SYNE2: variants seen among roughly 807,000 people sequenced by gnomAD.
SYNE2 encodes the protein nesprin-2.
Under a neutral mutation model 856.3 loss-of-function variants are expected in SYNE2, and 431 were observed. The ratio of observed to expected loss-of-function variants is 0.50; its 90% CI spans 0.47 to 0.55. The LOEUF is 0.55. SYNE2 is among the 20% of genes least tolerant of loss of function. The pLI is 0.00. For missense variants in SYNE2, 8,129 were observed against 8,023.2 expected (o/e 1.01, Z -0.50); for synonymous variants, 2,923 against 2,872.3 (o/e 1.02, Z -0.56).
Position 64,023,756 on chromosome 14 carries a change from A to G in SYNE2, c.5638-501A>G, listed in dbSNP as rs553190592. ...TTTTTAAGCTTATCAATGGCACTAAATGTTCACTGTTTAATTCCTTGCTTT... is the reference window on the plus strand; with the variant it reads ...TTTTTAAGCTTATCAATGGCACTAAGTGTTCACTGTTTAATTCCTTGCTTT... On this transcript the variant is annotated intron_variant, in intron 38 of 115. Coordinates refer to ENST00000555002, the MANE Select transcript of SYNE2 (RefSeq NM_182914.3). The G allele has an allele frequency of 2.5e-3, 486 of 196,490 alleles. 2 individuals are homozygous for G. Among genetic ancestry groups the G allele is most frequent in the Middle Eastern group, 9.2e-3 (4 of 436 alleles). 12.2% of individuals were successfully genotyped at this position (196,490 alleles called of 1,614,324 possible). A position where few individuals can be genotyped will look rare whatever the true frequency, so the allele number is the denominator to read the frequency against.
intron 74 of SYNE2, 51 bp from the exon 75 acceptor site, chr14:64,129,731 C>T (rs1161405002): frequency 1.2e-6 from 2 of 1,611,578 alleles, no homozygotes; most frequent in Non-Finnish European, 1.7e-6. Flanking sequence ...ACTATGTGTA[C>T]TTCTCTGACT....
At chr14:64,002,635 A>G in intron 29 of SYNE2, 85 bp from the exon 30 acceptor site, 1 of 1,451,062 alleles carries the variant, frequency 6.9e-7, no homozygotes. Flanking sequence ...GATCAAATCT[A>G]GTCATGCAGT....
chr14:63,820,191 T>C (rs973296357), intron 1 of SYNE2, among the ~76,000 whole-genome samples: 2 of 152,106 alleles, frequency 1.3e-5, no homozygotes, highest in South Asian at 4.1e-4. Flanking sequence ...TCATTACAAA[T>C]TCATGGAAGT....
chr14:64,211,967 A>T lies in SYNE2; in HGVS notation c.18730A>T (p.Thr6244Ser), dbSNP rs1567659035. 6 of 1,614,140 alleles carry T rather than the reference A, an allele frequency of 3.7e-6. No individual in the cohort carries two copies. The highest frequency in any genetic ancestry group is 5.1e-6 in the Non-Finnish European group (6 of 1,180,026). Residue 6244 changes from threonine (T) to serine (S), a missense_variant, in exon 104 of 116, where the codon ACC becomes TCC. Physicochemically the swap from Thr to Ser is moderately conservative, Grantham distance 58. This residue lies in a region of SYNE2 where 5,410 missense variants were observed against 5,284.8 expected (regional missense o/e 1.02). Transcript: ENST00000555002. Reference sequence around the variant, plus strand: ...TTCCTCCCCACTTTTGCAGCATTTCACCAACCAGAGGGAAGAATTTGAGGG... The same window carrying T: ...TTCCTCCCCACTTTTGCAGCATTTCTCCAACCAGAGGGAAGAATTTGAGGG... ...TAVLRRLRHF[T>S]NQREEFEGTR...
chr14:64,066,330 C>G (rs1288714436), intron 51 of SYNE2, among the ~76,000 whole-genome samples: 3 of 152,004 alleles, frequency 2.0e-5, no homozygotes, highest in Non-Finnish European at 4.4e-5. Flanking sequence ...TGAACCCCAT[C>G]TCTACAAAAA....
chr14:63,921,705 T>C (rs981511675), intron 2 of SYNE2, among the ~76,000 whole-genome samples: 2 of 152,102 alleles, frequency 1.3e-5, no homozygotes, highest in Admixed American at 6.5e-5. Context: ...AATATATAAG[T>C]GGCCTAGGTG....
At position 64,003,006 on chromosome 14, in the gene SYNE2, T is replaced by C; in HGVS notation, c.4073T>C (p.Leu1358Ser). The part of the protein sequence containing the change: ...SDTQVAQENT[L>S]TVKNKEGEIH... ...ACACAGGTGGCACAAGAAAATACGT[T>C]GACAGTAAAAAATAAAGAGGGAGAA... The change falls in exon 30 of 116, where the codon TTG (leucine) becomes TCG (serine). Residue 1358 changes from leucine to serine, a missense_variant. Leu to Ser is a moderately radical substitution (Grantham distance 145, BLOSUM62 -2). Transcript: ENST00000555002. 1 of 1,614,016 alleles carries C rather than the reference T, an allele frequency of 6.2e-7. No individual in the cohort carries two copies.
chr14:64,076,018 C>A lies in SYNE2; in HGVS notation c.10940C>A (p.Ser3647Tyr). 1 of 1,613,880 alleles carries A rather than the reference C, an allele frequency of 6.2e-7. No homozygotes were observed. Among genetic ancestry groups the A allele is most frequent in the South Asian group, 1.1e-5 (1 of 91,072 alleles). ...ATGGAAAAACTGCGAATCAAGTATTCCGAAATGTACACCATAGTCCCTGCA... is the reference window on the plus strand; with the variant it reads ...ATGGAAAAACTGCGAATCAAGTATTACGAAATGTACACCATAGTCCCTGCA... ...NIMEKLRIKY[S>Y]EMYTIVPAEI... The change falls in exon 54 of 116, where the codon TCC becomes TAC. Residue 3647 changes from serine (S) to tyrosine (Y), a missense_variant. Physicochemically the swap from Ser to Tyr is moderately radical, Grantham distance 144 (BLOSUM62 -2). Coordinates refer to ENST00000555002, the MANE Select transcript of SYNE2 (RefSeq NM_182914.3).
Position 64,090,852 on chromosome 14 carries a change from CTT to C in SYNE2, c.11794-13_11794-12del, listed in dbSNP as rs764827275. The C allele has an allele frequency of 6.2e-7, 1 of 1,610,952 alleles. No homozygotes were observed. Among genetic ancestry groups the C allele is most frequent in the Non-Finnish European group, 8.5e-7 (1 of 1,177,594 alleles). On this transcript the variant is annotated splice_polypyrimidine_tract_variant and intron_variant, in intron 59 of 115. Coordinates refer to ENST00000555002, the MANE Select transcript of SYNE2 (RefSeq NM_182914.3). ...CTTTTCATTTCTGTAACATGCTCCT[CTT>C]ATATAATTAAGGTCATACTTGAAAA...
chr14:63,971,180 C>T (rs867652614), intron 11 of SYNE2, among the ~76,000 whole-genome samples: 22 of 150,930 alleles, frequency 1.5e-4, no homozygotes, highest in South Asian at 2.1e-4. Context: ...GGCTTGATCA[C>T]GGCTAACTGC....
At chr14:63,770,372 C>T (rs1459286061) in intron 1 of SYNE2, among the ~76,000 whole-genome samples, 2 of 152,138 alleles carry the variant, frequency 1.3e-5, no homozygotes, top group African/African-American at 4.8e-5. Flanking sequence ...ATTCATCGAC[C>T]TCTTTGGGCT....
intron 1 of SYNE2, among the ~76,000 whole-genome samples, chr14:63,827,622 T>C (rs1423285276): frequency 1.5e-4 from 2 of 13,752 alleles, no homozygotes; most frequent in Non-Finnish European, 1.7e-4. Context: ...TGAAACTCTG[T>C]CTCAAAAAAA....
chr14:63,883,167 T>C (rs2094904971), intron 1 of SYNE2, among the ~76,000 whole-genome samples: 1 of 152,102 alleles, frequency 6.6e-6, no homozygotes, highest in Non-Finnish European at 1.5e-5. Context: ...CAAGTGATTC[T>C]CCTACCTCAG....
intron 6 of SYNE2, among the ~76,000 whole-genome samples, chr14:63,944,826 T>TC (rs2095997738): frequency 2.4e-5 from 3 of 122,778 alleles, no homozygotes; most frequent in African/African-American, 1.0e-4. Context: ...GCTTAAAGCT[T>TC]TTTTTTTTTT....
At chr14:64,059,774 C>T (rs1317432911) in intron 49 of SYNE2, among the ~76,000 whole-genome samples, 1 of 152,184 alleles carries the variant, frequency 6.6e-6, no homozygotes, top group African/African-American at 2.4e-5. Flanking sequence ...GCGAGTTGCC[C>T]CGCACCTAGG....
chr14:64,202,015 G>A (rs1223218553), intron 99 of SYNE2, among the ~76,000 whole-genome samples: 2 of 152,122 alleles, frequency 1.3e-5, no homozygotes, highest in Non-Finnish European at 1.5e-5. Context: ...GCTACATCAC[G>A]TCCCCTTGAC....
intron 84 of SYNE2, among the ~76,000 whole-genome samples, chr14:64,148,750 C>T (rs2098211769): frequency 6.6e-6 from 1 of 152,066 alleles, no homozygotes; most frequent in African/African-American, 2.4e-5. Context: ...ATAAATAAAA[C>T]AGGCTTCCCT....
At chr14:63,989,795 C>T (rs1048413233) in intron 19 of SYNE2, among the ~76,000 whole-genome samples, 1 of 151,906 alleles carries the variant, frequency 6.6e-6, no homozygotes, top group Admixed American at 6.6e-5. Flanking sequence ...GGACTACAGG[C>T]GTGTGCCACC....
At chr14:64,187,403 G>C (rs975247713) in intron 97 of SYNE2, among the ~76,000 whole-genome samples, 1 of 152,108 alleles carries the variant, frequency 6.6e-6, no homozygotes, top group Non-Finnish European at 1.5e-5. Flanking sequence ...AAAATGTTTA[G>C]AATATATGAA....
Sources: allele counts gnomAD v4.1 joint callset (sites outside exome capture counted in the v4.1 genomes callset), GRCh38; gene constraint gnomAD v4.1.1; regional missense constraint gnomAD v4.1.1; transcripts MANE v1.5; gene names NCBI Gene and HGNC (gene_info 2026-07-23, HGNC 2026-07-21).